The following RAPH1 variants were observed in gnomAD, a reference collection of about 807,000 sequenced individuals.
RAPH1 encodes the protein Ras association (RalGDS/AF-6) and pleckstrin homology domains 1.
Under a neutral mutation model 88.1 loss-of-function variants are expected in RAPH1, and 18 were observed. That is an observed-to-expected ratio of 0.20 (90% CI 0.14 to 0.30). RAPH1 has a LOEUF of 0.30. Among genes scored for constraint, RAPH1 ranks in the 10% least tolerant of loss-of-function variants. The probability of loss-of-function intolerance (pLI) is 1.00; values close to 1 mark genes in which losing one functional copy is unlikely to be tolerated. For synonymous variants in RAPH1, 587 were observed against 559.0 expected (o/e 1.05, Z -0.71); for missense variants, 1,448 against 1,543.2 (o/e 0.94, Z 1.03).
chr2:203,479,967 T>C (rs1008837139), intron 4 of RAPH1, among the ~76,000 whole-genome samples: 32 of 151,556 alleles, frequency 2.1e-4, no homozygotes, highest in Admixed American at 1.0e-3. Context: ...GTAACAAAAA[T>C]GTCCAGTGAG....
intron 4 of RAPH1, among the ~76,000 whole-genome samples, chr2:203,480,539 C>A (rs754325885): frequency 6.6e-6 from 1 of 152,114 alleles, no homozygotes; most frequent in Non-Finnish European, 1.5e-5. Flanking sequence ...AAGAGCAAGA[C>A]CCTGTCTCAA....
intron 4 of RAPH1, among the ~76,000 whole-genome samples, chr2:203,466,986 T>C (rs571902895): frequency 1.3e-5 from 2 of 152,328 alleles, no homozygotes; most frequent in South Asian, 2.1e-4. Context: ...ACAAACCCAG[T>C]TGAAATTAAG....
Position 203,439,733 on chromosome 2 carries a change from T to C in RAPH1, c.3457A>G (p.Thr1153Ala), listed in dbSNP as rs1581240325. 6.2e-7 allele frequency: 1 copy of C among 1,613,820 alleles called. No individual in the cohort carries two copies. Among genetic ancestry groups the C allele is most frequent in the Non-Finnish European group, 8.5e-7 (1 of 1,179,954 alleles). ...TMATVVPQVP[T>A]SPKSSLSVQP... ...ACACTAAGGCTGGATTTGGGAGAGG[T>C]GGGCACTTGTGGCACAACTGTGGCC... Residue 1153 changes from threonine to alanine, a missense_variant, in exon 14 of 14, where the codon ACC becomes GCC. By Grantham distance (58) the Thr-to-Ala change is moderately conservative (BLOSUM62 0). Coordinates refer to ENST00000319170, the MANE Select transcript of RAPH1 (RefSeq NM_213589.3).
At position 203,435,431 on chromosome 2, in the gene RAPH1, T is replaced by C. The variant is rs946825307; in HGVS notation, c.*4006A>G. ...TAATTCTTTTATACTTGCATTTCTC[T>C]TTGGATCAAATCTCAACTTTGTGAG... On this transcript the variant is annotated 3_prime_UTR_variant, in exon 14 of 14. Transcript: ENST00000319170. The C allele has an allele frequency of 6.6e-6, 1 of 152,032 alleles. No homozygotes were observed. The highest frequency in any genetic ancestry group is 2.4e-5 in the African/African-American group (1 of 41,366). The allele number at this position is 152,032 out of a possible 1,614,324, so 9.4% of individuals were successfully genotyped here.
chr2:203,529,659 G>A (rs1413343533), intron 1 of RAPH1, among the ~76,000 whole-genome samples: 4 of 152,224 alleles, frequency 2.6e-5, no homozygotes, highest in African/African-American at 7.2e-5. Context: ...CACTGCACCC[G>A]GCCAAAGTTT....
chr2:203,439,008 T>C lies in RAPH1; in HGVS notation c.*429A>G, dbSNP rs937872927. On this transcript the variant is annotated 3_prime_UTR_variant, in exon 14 of 14. Coordinates refer to ENST00000319170, the MANE Select transcript of RAPH1 (RefSeq NM_213589.3). ...ATTCTACATCTATTCCTTAGTTATA[T>C]AATACACAACATGCACGAATAGGCT... 1 of 163,418 alleles carries C rather than the reference T, an allele frequency of 6.1e-6. No homozygotes were observed. Among genetic ancestry groups the C allele is most frequent in the African/African-American group, 2.4e-5 (1 of 41,700 alleles). The allele number at this position is 163,418 out of a possible 1,614,324, so 10.1% of individuals were successfully genotyped here. A position where few individuals can be genotyped will look rare whatever the true frequency, so the allele number is the denominator to read the frequency against.
chr2:203,472,826 G>T (rs1392757998), intron 4 of RAPH1, among the ~76,000 whole-genome samples: 2 of 152,270 alleles, frequency 1.3e-5, no homozygotes, highest in South Asian at 4.1e-4. Flanking sequence ...TCAAACTCAT[G>T]ACCTCAAGAC....
Position 203,448,174 on chromosome 2 carries a change from T to C in RAPH1, c.1513-95A>G, listed in dbSNP as rs1330387266. The C allele has an allele frequency of 2.5e-6, 3 of 1,195,068 alleles. No homozygotes were observed. Among genetic ancestry groups the C allele is most frequent in the Admixed American group, 4.2e-5 (2 of 47,608 alleles). 74.0% of individuals were successfully genotyped at this position (1,195,068 alleles called of 1,614,324 possible). ...GGGGGACATATTTCTGTTTACTGAT[T>C]GATGGTCTGTATTAAAATTAATACC... On this transcript the variant is annotated intron_variant, in intron 11 of 13. Coordinates refer to ENST00000319170, the MANE Select transcript of RAPH1 (RefSeq NM_213589.3). This position sits in a 1 kb window ranked among gnomAD's most constrained non-coding sequence, Gnocchi z 4.1.
At chr2:203,528,196 A>G (rs1342516813) in intron 1 of RAPH1, among the ~76,000 whole-genome samples, 1 of 152,178 alleles carries the variant, frequency 6.6e-6, no homozygotes, top group East Asian at 1.9e-4. Context: ...TGGTTAATGC[A>G]TCTGTACCTT....
intron 1 of RAPH1, among the ~76,000 whole-genome samples, chr2:203,497,349 G>A (rs1025977410): frequency 3.3e-5 from 5 of 152,150 alleles, no homozygotes; most frequent in African/African-American, 1.2e-4. Flanking sequence ...CAGCACACAT[G>A]GACTGGTATC....
rs1220697603 is a variant in RAPH1, at chr2:203,506,892, A to T, written c.1-11539T>A. ...TATATATATATATAGATATATATAT[A>T]TATATATTTTTTTTTTTTTTGAGAT... On this transcript the variant is annotated intron_variant, in intron 1 of 13. Transcript: ENST00000319170. 8.2e-4 allele frequency among the ~76,000 whole-genome samples: 84 copies of T among 102,806 alleles called. 5 individuals carry two copies. Among genetic ancestry groups the T allele is most frequent in the African/African-American group, 3.6e-3 (68 of 18,662 alleles). 67.4% of individuals were successfully genotyped at this position (102,806 alleles called of 152,430 possible). A position where few individuals can be genotyped will look rare whatever the true frequency, so the allele number is the denominator to read the frequency against.
intron 1 of RAPH1, among the ~76,000 whole-genome samples, chr2:203,509,034 T>C (rs1274911091): frequency 2.6e-5 from 4 of 151,762 alleles, no homozygotes; most frequent in African/African-American, 9.7e-5. Context: ...AGACATCCTT[T>C]CACAGATGCA....
chr2:203,485,970 C>T (rs955225506), intron 4 of RAPH1, among the ~76,000 whole-genome samples: 1 of 151,892 alleles, frequency 6.6e-6, no homozygotes, highest in Non-Finnish European at 1.5e-5. Context: ...TCCTCATGTT[C>T]CAACCCTTCT....
rs77589546 is a variant in RAPH1, at chr2:203,434,784, A to G, written c.*4653T>C. On this transcript the variant is annotated 3_prime_UTR_variant, in exon 14 of 14. Coordinates refer to ENST00000319170, the MANE Select transcript of RAPH1 (RefSeq NM_213589.3). ...CCATGATAAACATAATTAATTCTCA[A>G]CTTAACCATCTATAAAATATGTAGT... 0.012 allele frequency: 1,902 copies of G among 152,526 alleles called. 19 individuals are homozygous for G. The highest frequency in any genetic ancestry group is 0.018 in the Non-Finnish European group (1,240 of 68,002). 9.4% of individuals were successfully genotyped at this position (152,526 alleles called of 1,614,324 possible).
intron 1 of RAPH1, among the ~76,000 whole-genome samples, chr2:203,515,183 G>T (rs917000298): frequency 6.7e-6 from 1 of 150,054 alleles, no homozygotes; most frequent in Non-Finnish European, 1.5e-5. Context: ...ATATTTTATA[G>T]GCTACTTATA....
chr2:203,461,097 C>CAA (rs1229766198), intron 6 of RAPH1, 152 bp downstream of exon 6: 5 of 260,204 alleles, frequency 1.9e-5, no homozygotes, highest in Non-Finnish European at 3.3e-5. Context: ...GTCTAGGTGA[C>CAA]AGAGCGAGAC....
At chr2:203,523,355 T>C (rs1202228605) in intron 1 of RAPH1, among the ~76,000 whole-genome samples, 2 of 149,346 alleles carry the variant, frequency 1.3e-5, no homozygotes, top group African/African-American at 2.5e-5. Context: ...ATTGTGCCAC[T>C]GCACTCTGGC....
intron 13 of RAPH1, 22 bp from the exon 14 acceptor site, chr2:203,441,435 A>G: frequency 6.6e-7 from 1 of 1,507,078 alleles, no homozygotes; most frequent in Non-Finnish European, 8.8e-7. Flanking sequence ...ATAAAAAGGG[A>G]GTGGGAGAGA....
In RAPH1 at chr2:203,436,490, T is replaced by C. The variant is rs979862080; in HGVS notation, c.*2947A>G. 7 of 152,206 alleles carry C rather than the reference T, an allele frequency of 4.6e-5. No homozygotes were observed. Among genetic ancestry groups the C allele is most frequent in the African/African-American group, 1.4e-4 (6 of 41,454 alleles). The allele number at this position is 152,206 out of a possible 1,614,324, so 9.4% of individuals were successfully genotyped here. A position where few individuals can be genotyped will look rare whatever the true frequency, so the allele number is the denominator to read the frequency against. On this transcript the variant is annotated 3_prime_UTR_variant, in exon 14 of 14. Coordinates refer to ENST00000319170, the MANE Select transcript of RAPH1 (RefSeq NM_213589.3). ...AAACCATAAGTTATTTTACTGAGAA[T>C]AGATTCTGCTGCCCTACAGCATTGG...
Sources: allele counts gnomAD v4.1 joint callset (sites outside exome capture counted in the v4.1 genomes callset), GRCh38; gene constraint gnomAD v4.1.1; non-coding constraint Gnocchi (gnomAD v3.1); transcripts MANE v1.5; gene names NCBI Gene and HGNC (gene_info 2026-07-23, HGNC 2026-07-21).